The following WWC1 variants were observed in gnomAD, a reference collection of about 807,000 sequenced individuals.
The protein encoded by WWC1 is WW and C2 domain containing 1, also known as protein KIBRA.
A neutral mutation model predicts 138.4 loss-of-function variants in WWC1; 55 were observed. The observed-to-expected ratio is 0.40, with a 90% CI of 0.32 to 0.50. The LOEUF is 0.50. Ranked by LOEUF, WWC1 falls within the 20% of genes least tolerant of loss-of-function variation. WWC1 has a pLI of 0.72. For synonymous variants in WWC1, 524 were observed against 564.9 expected (o/e 0.93, Z 1.03); for missense variants, 1,226 against 1,420.4 (o/e 0.86, Z 2.20).
intron 1 of WWC1, among the ~76,000 whole-genome samples, chr5:168,297,799 T>C (rs1769684646): frequency 6.6e-6 from 1 of 152,274 alleles, no homozygotes; most frequent in South Asian, 2.1e-4. Flanking sequence ...ATGATAATAA[T>C]TCACACATAT....
chr5:168,376,539 T>A (rs1450904153), intron 2 of WWC1, among the ~76,000 whole-genome samples: 1 of 152,192 alleles, frequency 6.6e-6, no homozygotes, highest in South Asian at 2.1e-4. Flanking sequence ...CCCTAAAGAT[T>A]CTGCCAAAAG....
At chr5:168,438,639 G>T (rs1754467337) in intron 15 of WWC1, among the ~76,000 whole-genome samples, 1 of 44,178 alleles carries the variant, frequency 2.3e-5, no homozygotes, top group Non-Finnish European at 3.6e-5. Flanking sequence ...CATCAGCACA[G>T]AGTCTGGTTC....
chr5:168,327,304 TC>T (rs1253868175), intron 1 of WWC1, among the ~76,000 whole-genome samples: 1 of 152,224 alleles, frequency 6.6e-6, no homozygotes, highest in Non-Finnish European at 1.5e-5. Context: ...CATTTGTTCA[TC>T]CTGTGATATG....
At chr5:168,367,952 A>AACACACAC (rs5873108) in intron 1 of WWC1, among the ~76,000 whole-genome samples, 20 of 151,180 alleles carry the variant, frequency 1.3e-4, no homozygotes, top group Admixed American at 7.9e-4. Context: ...TTTCTTTACT[A>AACACACAC]ACACACACAC....
At chr5:168,341,078 T>C (rs1437242499) in intron 1 of WWC1, among the ~76,000 whole-genome samples, 1 of 152,180 alleles carries the variant, frequency 6.6e-6, no homozygotes, top group African/African-American at 2.4e-5. Flanking sequence ...GACATGTCCC[T>C]GTCCTTGTGA....
rs79081700 is a variant in WWC1 at position 168,470,091 on chromosome 5, G to A, written c.*1074G>A. ...AACCCAGGGGCTGGTAGGTGCTACA[G>A]CTTGTGCTTCATGCTGCTCCTGTGG... On this transcript the variant is annotated 3_prime_UTR_variant, in exon 23 of 23. Transcript: ENST00000265293. 1,965 of 152,178 alleles carry A rather than the reference G, an allele frequency of 0.013. 48 individuals carry two copies. The highest frequency in any genetic ancestry group is 0.045 in the African/African-American group (1,882 of 41,476). 9.4% of individuals were successfully genotyped at this position (152,178 alleles called of 1,614,324 possible).
At chr5:168,403,435 A>G (rs916155823) in intron 5 of WWC1, among the ~76,000 whole-genome samples, 1 of 152,158 alleles carries the variant, frequency 6.6e-6, no homozygotes, top group Non-Finnish European at 1.5e-5. Context: ...GTCACCTGTC[A>G]TGATTCTGAT....
chr5:168,414,098 G>T, intron 8 of WWC1: 1 of 487,982 alleles, frequency 2.0e-6, no homozygotes, highest in Non-Finnish European at 3.6e-6. Flanking sequence ...TATTGTACCA[G>T]GAACAGGGCA....
chr5:168,343,253 T>C (rs1463600150), intron 1 of WWC1, among the ~76,000 whole-genome samples: 3 of 152,210 alleles, frequency 2.0e-5, no homozygotes, highest in Non-Finnish European at 4.4e-5. Flanking sequence ...TCATGTGCCC[T>C]GCATTTGAAT....
chr5:168,365,647 A>G (rs1334878129), intron 1 of WWC1, among the ~76,000 whole-genome samples: 6 of 152,100 alleles, frequency 3.9e-5, no homozygotes, highest in Non-Finnish European at 8.8e-5. Context: ...AGGGTAAGGG[A>G]GGCTTCCAGC....
In WWC1 at chr5:168,423,768, G is replaced by A; in HGVS notation, c.1510G>A (p.Asp504Asn). 1.9e-6 allele frequency: 3 copies of A among 1,614,032 alleles called. No homozygotes were observed. Among genetic ancestry groups the A allele is most frequent in the Non-Finnish European group, 2.5e-6 (3 of 1,179,940 alleles). The change falls in exon 11 of 23, where the codon GAT (aspartate) becomes AAT (asparagine). Residue 504 changes from aspartate (D) to asparagine (N), a missense_variant. Asp to Asn is a conservative substitution (Grantham distance 23). Around this residue, in one of 3 missense-constraint regions of WWC1, gnomAD observed 1,016 missense variants for 1,153.9 expected, o/e 0.88. Coordinates refer to ENST00000265293, the MANE Select transcript of WWC1 (RefSeq NM_015238.3). ...PSGCITTIHE[D>N]EVAKTQKAEG... ...AGGCTGCATCACCACCATCCACGAG[G>A]ATGAGGTGGCCAAGACCCAGAAGGC...
At chr5:168,411,331 G>C (rs1465400) in intron 8 of WWC1, among the ~76,000 whole-genome samples, 11,826 of 150,860 alleles carry the variant, frequency 0.078, 552 homozygotes, top group East Asian at 0.17. Flanking sequence ...TTCCTTCCTA[G>C]ACTAAGTTGC....
chr5:168,348,302 A>C (rs1774648865), intron 1 of WWC1, among the ~76,000 whole-genome samples: 1 of 152,052 alleles, frequency 6.6e-6, no homozygotes, highest in Non-Finnish European at 1.5e-5. Flanking sequence ...GCTCAGGGAG[A>C]CCCAAGCCCT....
chr5:168,438,732 A>G (rs1754479263), intron 15 of WWC1, among the ~76,000 whole-genome samples: 1 of 152,086 alleles, frequency 6.6e-6, no homozygotes, highest in Non-Finnish European at 1.5e-5. Context: ...GCACATGTCG[A>G]AACAATAAAG....
intron 3 of WWC1, among the ~76,000 whole-genome samples, chr5:168,389,114 A>G (rs1057041966): frequency 6.6e-6 from 1 of 152,188 alleles, no homozygotes; most frequent in African/African-American, 2.4e-5. Flanking sequence ...ATTAAAAACT[A>G]AAGTTGGGCA....
chr5:168,391,671 AC>A (rs67471150), intron 3 of WWC1, among the ~76,000 whole-genome samples: 14 of 148,318 alleles, frequency 9.4e-5, no homozygotes, highest in Non-Finnish European at 1.6e-4. Context: ...AAAAAAAAAA[AC>A]AAAAAAACTA....
intron 5 of WWC1, among the ~76,000 whole-genome samples, chr5:168,402,706 C>T (rs551566856): frequency 5.5e-4 from 83 of 152,152 alleles, no homozygotes; most frequent in Non-Finnish European, 1.1e-3. Flanking sequence ...CCAAAGCCAC[C>T]CAGCTAGCAG....
At chr5:168,454,161 C>T (rs201943207) in intron 18 of WWC1, 61 bp downstream of exon 18, 103 of 1,578,216 alleles carry the variant, frequency 6.5e-5, no homozygotes, top group Non-Finnish European at 8.3e-5. Flanking sequence ...ATCCTTGTGC[C>T]GAGGCAGTCA....
At chr5:168,315,175 C>CT (rs35333193) in intron 1 of WWC1, among the ~76,000 whole-genome samples, 167 of 147,034 alleles carry the variant, frequency 1.1e-3, no homozygotes, top group African/African-American at 2.7e-3. Context: ...CCACAAATAA[C>CT]TTTTTTTTTT....
Sources: gnomAD v4.1 joint callset for allele counts (sites outside exome capture counted in the v4.1 genomes callset) on GRCh38, gnomAD v4.1.1 for gene constraint, gnomAD v4.1.1 regional missense constraint, MANE v1.5 for transcripts, NCBI Gene and HGNC (gene_info 2026-07-23, HGNC 2026-07-21) for gene names.